The following STON2 variants were observed in gnomAD, a reference collection of about 807,000 sequenced individuals.
STON2 encodes stonin 2, also known as stonin-2.
STON2 carries 29 observed loss-of-function variants against 65.7 expected under a neutral mutation model. That is an observed-to-expected ratio of 0.44 (90% confidence interval 0.33 to 0.60). STON2 has a LOEUF of 0.60. Ranked by LOEUF, STON2 falls within the 20% of genes least tolerant of loss-of-function variation. STON2 has a pLI of 0.03. For synonymous variants in STON2, 404 were observed against 414.2 expected (o/e 0.98, Z 0.30); for missense variants, 1,054 against 1,118.1 (o/e 0.94, Z 0.82).
Position 81,264,281 on chromosome 14 carries a change from A to T in STON2, c.*4133T>A. The stretch of plus-strand genomic sequence containing the variant: ...GGTTTTATTACTTGACTCTGGAGGC[A>T]GGAGTAAAAGGAAAGCAAAATTATT... On this transcript the variant is annotated 3_prime_UTR_variant, in exon 8 of 8. Transcript: ENST00000614646. 3 of 985,478 alleles carry T rather than the reference A, an allele frequency of 3.0e-6. No individual in the cohort carries two copies. Among genetic ancestry groups the T allele is most frequent in the Non-Finnish European group, 3.6e-6 (3 of 829,936 alleles). The allele number at this position is 985,478 out of a possible 1,614,324, so 61.0% of individuals were successfully genotyped here. A position where few individuals can be genotyped will look rare whatever the true frequency, so the allele number is the denominator to read the frequency against.
chr14:81,391,840 G>A (rs1233759788), intron 3 of STON2, among the ~76,000 whole-genome samples: 1 of 152,110 alleles, frequency 6.6e-6, no homozygotes, highest in Non-Finnish European at 1.5e-5. Context: ...ACCCTCCTAA[G>A]GTAGAAAACT....
At position 81,260,937 on chromosome 14, in the gene STON2, G is replaced by C. The variant is rs1419194460; in HGVS notation, c.*7477C>G. ...GGATCTTGGGTTCATCCATCCTGAC[G>C]CACTGAAATTTATTACAGACATTAC... On this transcript the variant is annotated 3_prime_UTR_variant, in exon 8 of 8. Coordinates refer to ENST00000614646, the MANE Select transcript of STON2 (RefSeq NM_001394390.1). The C allele has an allele frequency of 6.6e-6, 1 of 152,134 alleles. No homozygotes were observed. Among genetic ancestry groups the C allele is most frequent in the Non-Finnish European group, 1.5e-5 (1 of 68,038 alleles). 9.4% of individuals were successfully genotyped at this position (152,134 alleles called of 1,614,324 possible). A position where few individuals can be genotyped will look rare whatever the true frequency, so the allele number is the denominator to read the frequency against.
intron 5 of STON2, among the ~76,000 whole-genome samples, chr14:81,292,578 C>T (rs1895600518): frequency 6.6e-6 from 1 of 152,172 alleles, no homozygotes; most frequent in Admixed American, 6.5e-5. Flanking sequence ...ACTTCTCCTT[C>T]CTGCCACCAT....
At chr14:81,396,477 G>A (rs1406855628) in intron 2 of STON2, among the ~76,000 whole-genome samples, 2 of 152,246 alleles carry the variant, frequency 1.3e-5, no homozygotes, top group African/African-American at 4.8e-5. Context: ...ACAAAGGAAA[G>A]TGCTTACAGA....
Position 81,265,421 on chromosome 14 carries a change from G to A in STON2, c.*2993C>T. ...TGTAATCCCAGAGCTTTGGGAGACT[G>A]AGGCAGGCTTATCACCTGAGGTCAG... On this transcript the variant is annotated 3_prime_UTR_variant, in exon 8 of 8. Coordinates refer to ENST00000614646, the MANE Select transcript of STON2 (RefSeq NM_001394390.1). The A allele has an allele frequency of 1.2e-6, 1 of 866,218 alleles. No individual in the cohort carries two copies. 53.7% of individuals were successfully genotyped at this position (866,218 alleles called of 1,614,324 possible).
chr14:81,270,552 A>G (rs1323095854), intron 7 of STON2, 118 bp downstream of exon 7: 2 of 1,593,288 alleles, frequency 1.3e-6, no homozygotes, highest in Non-Finnish European at 8.6e-7. Context: ...ACTTCCTCTA[A>G]GGCAGTAAGA....
At chr14:81,378,519 T>TA (rs1899360329) in intron 3 of STON2, among the ~76,000 whole-genome samples, 1 of 152,240 alleles carries the variant, frequency 6.6e-6, no homozygotes, top group African/African-American at 2.4e-5. Flanking sequence ...CCTGGCCTGA[T>TA]ACTAGTCCTT....
intron 4 of STON2, among the ~76,000 whole-genome samples, chr14:81,326,703 C>T (rs914155354): frequency 7.9e-5 from 12 of 152,214 alleles, no homozygotes; most frequent in Admixed American, 7.9e-4. Context: ...ATTTGACTGA[C>T]TCATTTCTTA....
In STON2 at chr14:81,265,402, C is replaced by A; in HGVS notation, c.*3012G>T. 4 of 953,444 alleles carry A rather than the reference C, an allele frequency of 4.2e-6. No individual in the cohort carries two copies. The highest frequency in any genetic ancestry group is 5.0e-6 in the Non-Finnish European group (4 of 801,110). The allele number at this position is 953,444 out of a possible 1,614,324, so 59.1% of individuals were successfully genotyped here. A position where few individuals can be genotyped will look rare whatever the true frequency, so the allele number is the denominator to read the frequency against. On this transcript the variant is annotated 3_prime_UTR_variant, in exon 8 of 8. Transcript: ENST00000614646. ...CAGCATGGTGGCTCACGCCTGTAAT[C>A]CCAGAGCTTTGGGAGACTGAGGCAG...
intron 2 of STON2, among the ~76,000 whole-genome samples, chr14:81,406,657 G>A (rs1389662630): frequency 6.6e-6 from 1 of 152,198 alleles, no homozygotes; most frequent in South Asian, 2.1e-4. Flanking sequence ...TTGGTTGGAT[G>A]CTTGAGATGT....
chr14:81,267,511 C>T lies in STON2; in HGVS notation c.*903G>A. On this transcript the variant is annotated 3_prime_UTR_variant, in exon 8 of 8. Transcript: ENST00000614646. ...AAAAAGAACTCCCAAATGCCCCTTACAAATGCCTCAGGTATTATGTATATT... is the reference window on the plus strand; with the variant it reads ...AAAAAGAACTCCCAAATGCCCCTTATAAATGCCTCAGGTATTATGTATATT... The T allele has an allele frequency of 2.0e-6, 2 of 985,364 alleles. No homozygotes were observed. Among genetic ancestry groups the T allele is most frequent in the Non-Finnish European group, 2.4e-6 (2 of 829,882 alleles). The allele number at this position is 985,364 out of a possible 1,614,324, so 61.0% of individuals were successfully genotyped here.
At chr14:81,352,882 T>C (rs1427996345) in intron 4 of STON2, among the ~76,000 whole-genome samples, 1 of 152,224 alleles carries the variant, frequency 6.6e-6, no homozygotes, top group Admixed American at 6.5e-5. Context: ...CATCTTAAAC[T>C]GTTGCTCTTT....
chr14:81,321,018 C>T (rs1164749424), intron 5 of STON2, among the ~76,000 whole-genome samples: 1 of 152,202 alleles, frequency 6.6e-6, no homozygotes, highest in African/African-American at 2.4e-5. Context: ...TACCTCCCTT[C>T]TTTACCCACC....
At chr14:81,279,628 T>C (rs572144877) in intron 5 of STON2, among the ~76,000 whole-genome samples, 9 of 151,612 alleles carry the variant, frequency 5.9e-5, no homozygotes, top group African/African-American at 1.2e-4. Flanking sequence ...GAGGCAGAGA[T>C]AGAAGTCAGC....
intron 4 of STON2, among the ~76,000 whole-genome samples, chr14:81,341,446 G>GTTTTTTTTTT (rs748642462): frequency 8.6e-6 from 1 of 115,752 alleles, no homozygotes; most frequent in South Asian, 3.0e-4. Context: ...TTTTATAAGT[G>GTTTTTTTTTT]TTTTTTTTTT....
chr14:81,355,453 A>C (rs1006806529), intron 4 of STON2, among the ~76,000 whole-genome samples: 4 of 152,198 alleles, frequency 2.6e-5, no homozygotes, highest in African/African-American at 9.6e-5. Flanking sequence ...ATTTCTCAGC[A>C]GAAACTGTAG....
At chr14:81,285,589 A>T (rs1895300957) in intron 5 of STON2, among the ~76,000 whole-genome samples, 1 of 152,196 alleles carries the variant, frequency 6.6e-6, no homozygotes, top group Non-Finnish European at 1.5e-5. Context: ...CGGCCTCATG[A>T]TAAAACTTTA....
intron 1 of STON2, among the ~76,000 whole-genome samples, chr14:81,430,237 C>T (rs1902172858): frequency 6.6e-6 from 1 of 152,240 alleles, no homozygotes; most frequent in Admixed American, 6.5e-5. Flanking sequence ...TATTTGCCTA[C>T]TGTTGGTCTC....
At chr14:81,319,199 C>A (rs1325528781) in intron 5 of STON2, among the ~76,000 whole-genome samples, 1 of 152,192 alleles carries the variant, frequency 6.6e-6, no homozygotes, top group African/African-American at 2.4e-5. Context: ...GTTTGTAAAG[C>A]AGCATTATTG....
Sources: gnomAD v4.1 joint callset for allele counts (sites outside exome capture counted in the v4.1 genomes callset) on GRCh38, gnomAD v4.1.1 for gene constraint, MANE v1.5 for transcripts, NCBI Gene and HGNC (gene_info 2026-07-23, HGNC 2026-07-21) for gene names.